The following CPNE4 variants were observed in gnomAD, a reference collection of about 807,000 sequenced individuals.
The protein encoded by CPNE4 is copine 4.
CPNE4 carries 25 observed loss-of-function variants against 67.9 expected under a neutral mutation model. The ratio of observed to expected loss-of-function variants is 0.37; its 90% confidence interval spans 0.27 to 0.51. The LOEUF (loss-of-function observed/expected upper bound fraction) is 0.51, where lower values mean the gene tolerates loss of function less well. Among genes scored for constraint, CPNE4 ranks in the 20% least tolerant of loss-of-function variants. CPNE4 has a pLI of 0.93. For missense variants in CPNE4, 464 were observed against 690.8 expected (o/e 0.67, Z 3.68); for synonymous variants, 242 against 244.9 (o/e 0.99, Z 0.11).
chr3:131,998,810 A>G (rs978812350), intron 1 of CPNE4, among the ~76,000 whole-genome samples: 19 of 152,114 alleles, frequency 1.2e-4, no homozygotes, highest in African/African-American at 4.6e-4. Context: ...CCTACTACAT[A>G]TTATGCTATT....
intron 2 of CPNE4, among the ~76,000 whole-genome samples, chr3:131,745,638 G>A (rs1482499096): frequency 1.3e-5 from 2 of 152,064 alleles, no homozygotes; most frequent in Non-Finnish European, 2.9e-5. Flanking sequence ...GTCTATAAAT[G>A]TCCAACTGCT....
chr3:131,593,969 C>T (rs749659192), intron 7 of CPNE4, among the ~76,000 whole-genome samples: 1 of 152,106 alleles, frequency 6.6e-6, no homozygotes, highest in African/African-American at 2.4e-5. Flanking sequence ...CTGCCTGCCT[C>T]GGACTCCTAA....
rs58116331 is a variant in CPNE4 at position 131,993,472 on chromosome 3, C to CAAAAAAAAAAAAAAAAAAAAAAA, written c.-2+41094_-2+41095insTTTTTTTTTTTTTTTTTTTTTTT. On this transcript the variant is annotated intron_variant, in intron 1 of 15. Transcript: ENST00000429747. Reference sequence around the variant, plus strand: ...ACCCTGATTTCGTGTGCAGGAGTGGCAAAAAAAAAAAAAAAAAGCATAGCT... The same window carrying CAAAAAAAAAAAAAAAAAAAAAAA: ...ACCCTGATTTCGTGTGCAGGAGTGGCAAAAAAAAAAAAAAAAAAAAAAAAAAAAAAAAAAAAAAAAGCATAGCT... Among the ~76,000 whole-genome samples, 17 of 60,458 alleles carry CAAAAAAAAAAAAAAAAAAAAAAA rather than the reference C, an allele frequency of 2.8e-4. 3 individuals are homozygous for CAAAAAAAAAAAAAAAAAAAAAAA. Among genetic ancestry groups the CAAAAAAAAAAAAAAAAAAAAAAA allele is most frequent in the African/African-American group, 9.3e-4 (17 of 18,304 alleles). The allele number at this position is 60,458 out of a possible 152,430, so 39.7% of individuals were successfully genotyped here.
intron 7 of CPNE4, among the ~76,000 whole-genome samples, chr3:131,612,437 G>A (rs942597457): frequency 1.9e-4 from 29 of 152,148 alleles, no homozygotes; most frequent in Non-Finnish European, 3.8e-4. Flanking sequence ...AATCTAACAT[G>A]GTTGCACATG....
At chr3:131,927,618 A>G (rs2070934370) in intron 1 of CPNE4, among the ~76,000 whole-genome samples, 1 of 152,230 alleles carries the variant, frequency 6.6e-6, no homozygotes. Context: ...AAGCCAATCA[A>G]TTTTTGTTAA....
intron 1 of CPNE4, among the ~76,000 whole-genome samples, chr3:131,917,506 G>A (rs2070595916): frequency 6.6e-6 from 1 of 151,882 alleles, no homozygotes; most frequent in Non-Finnish European, 1.5e-5. Flanking sequence ...TGGAAGGAGT[G>A]GTGTCGGCAT....
chr3:131,582,517 T>C (rs1329092609), intron 8 of CPNE4, among the ~76,000 whole-genome samples: 1 of 152,134 alleles, frequency 6.6e-6, no homozygotes, highest in African/African-American at 2.4e-5. Flanking sequence ...TGTCTGAAAA[T>C]GAAGTAGTTT....
intron 2 of CPNE4, among the ~76,000 whole-genome samples, chr3:131,767,541 G>A (rs561142031): frequency 6.6e-6 from 1 of 152,118 alleles, no homozygotes; most frequent in South Asian, 2.1e-4. Context: ...GAGAGGCTGG[G>A]GAAATAATGA....
At chr3:131,773,583 A>G (rs951829077) in intron 2 of CPNE4, among the ~76,000 whole-genome samples, 1 of 152,022 alleles carries the variant, frequency 6.6e-6, no homozygotes, top group Non-Finnish European at 1.5e-5. Context: ...CCTGATCTCA[A>G]GAGATCCGCC....
intron 2 of CPNE4, among the ~76,000 whole-genome samples, chr3:131,876,175 G>T (rs2087436788): frequency 6.6e-6 from 1 of 150,902 alleles, no homozygotes; most frequent in Admixed American, 6.6e-5. Context: ...GGAGGCGGAG[G>T]TTACAGTGAG....
chr3:131,560,236 T>C (rs761941304), intron 11 of CPNE4, among the ~76,000 whole-genome samples: 1 of 152,010 alleles, frequency 6.6e-6, no homozygotes, highest in Non-Finnish European at 1.5e-5. Context: ...ACATCTTCAA[T>C]TTACAATGAA....
At chr3:131,562,132 A>G (rs1372363247) in intron 11 of CPNE4, among the ~76,000 whole-genome samples, 10 of 152,036 alleles carry the variant, frequency 6.6e-5, no homozygotes, top group Admixed American at 5.9e-4. Flanking sequence ...TTCATATCTT[A>G]TATCTTATTT....
At chr3:131,825,065 C>CTA (rs1276944294) in intron 2 of CPNE4, among the ~76,000 whole-genome samples, 1 of 152,092 alleles carries the variant, frequency 6.6e-6, no homozygotes, top group East Asian at 1.9e-4. Flanking sequence ...GACAAGGGAT[C>CTA]TACTGGGAGA....
intron 2 of CPNE4, among the ~76,000 whole-genome samples, chr3:131,779,499 G>T (rs2083379911): frequency 6.6e-6 from 1 of 151,904 alleles, no homozygotes; most frequent in Admixed American, 6.6e-5. Flanking sequence ...TAGACCAATA[G>T]AACAGGTTAG....
chr3:131,800,504 A>G (rs2084061943), intron 2 of CPNE4, among the ~76,000 whole-genome samples: 1 of 152,142 alleles, frequency 6.6e-6, no homozygotes, highest in Non-Finnish European at 1.5e-5. Context: ...GATCTGAGCT[A>G]TTACTTGCCA....
chr3:131,657,839 C>G (rs968233164), intron 7 of CPNE4, among the ~76,000 whole-genome samples: 1 of 151,928 alleles, frequency 6.6e-6, no homozygotes, highest in South Asian at 2.1e-4. Context: ...GCTGGGATTA[C>G]AGGCGTGAGA....
intron 13 of CPNE4, among the ~76,000 whole-genome samples, chr3:131,550,757 C>T (rs1426805544): frequency 6.6e-6 from 1 of 152,062 alleles, no homozygotes; most frequent in Non-Finnish European, 1.5e-5. Context: ...ATACTCATCT[C>T]CTGGGCACTG....
chr3:131,593,890 AT>A (rs1209283121), intron 7 of CPNE4, among the ~76,000 whole-genome samples: 4 of 150,460 alleles, frequency 2.7e-5, no homozygotes, highest in Admixed American at 1.3e-4. Context: ...TATTATTATT[AT>A]TTTTTTTTAG....
intron 1 of CPNE4, among the ~76,000 whole-genome samples, chr3:132,033,132 T>C (rs1002976018): frequency 6.6e-6 from 1 of 152,244 alleles, no homozygotes; most frequent in Non-Finnish European, 1.5e-5. Context: ...CGCCTGTGTA[T>C]GTGTGCGCGC....
Sources: gnomAD v4.1 joint callset for allele counts (sites outside exome capture counted in the v4.1 genomes callset) on GRCh38, gnomAD v4.1.1 for gene constraint, MANE v1.5 for transcripts, NCBI Gene and HGNC (gene_info 2026-07-23, HGNC 2026-07-21) for gene names.